Variants in VXN observed in about 807,000 individuals in gnomAD.
The protein encoded by VXN is vexin.
A neutral mutation model predicts 23.1 loss-of-function variants in VXN; 7 were observed. The ratio of observed to expected loss-of-function variants is 0.30; its 90% confidence interval spans 0.17 to 0.57. VXN has a LOEUF of 0.57. Ranked by LOEUF, VXN falls within the 20% of genes least tolerant of loss-of-function variation. The pLI is 0.91. For missense variants in VXN, 238 were observed against 272.6 expected (o/e 0.87, Z 0.89); for synonymous variants, 120 against 105.8 (o/e 1.13, Z -0.83).
intron 3 of VXN, among the ~76,000 whole-genome samples, chr8:66,506,273 A>G (rs1807758263): frequency 9.5e-6 from 1 of 105,258 alleles, no homozygotes; most frequent in Non-Finnish European, 1.9e-5. Flanking sequence ...GTGTGTGTGT[A>G]AAATTGTACA....
In VXN at chr8:66,505,499, C is replaced by A. The variant is rs764565389; in HGVS notation, c.251C>A (p.Ala84Asp). 12 of 1,550,010 alleles carry A rather than the reference C, an allele frequency of 7.7e-6. No individual in the cohort carries two copies. The highest frequency in any genetic ancestry group is 9.6e-6 in the Non-Finnish European group (11 of 1,150,772). Residue 84 changes from alanine to aspartate, a missense_variant, in exon 3 of 6, where the codon GCC becomes GAC. Physicochemically the swap from Ala to Asp is moderately radical, Grantham distance 126. Around this residue, in one of 2 missense-constraint regions of VXN, gnomAD observed 223 missense variants for 236.9 expected, o/e 0.94. Transcript: ENST00000305454. ...GRLQTARPPT[A>D]HPAKASARPV... ...CTCCAGACCGCGCGGCCGCCCACAG[C>A]CCACCCGGCCAAAGCCTCTGCCAGA... is the stretch of plus-strand genomic sequence containing the variant.
intron 2 of VXN, chr8:66,498,787 A>G (rs1285015282): frequency 4.4e-6 from 2 of 455,036 alleles, no homozygotes; most frequent in Non-Finnish European, 8.8e-6. Context: ...TTTAAAATCT[A>G]TGAAATATTT....
At chr8:66,509,961 T>G in intron 3 of VXN, 135 bp from the exon 4 acceptor site, 2 of 796,562 alleles carry the variant, frequency 2.5e-6, no homozygotes, top group Non-Finnish European at 4.3e-6. Flanking sequence ...TCCTGCCTGG[T>G]TTTGCTGCTT....
intron 4 of VXN, among the ~76,000 whole-genome samples, chr8:66,512,954 G>C (rs1237912993): frequency 6.6e-6 from 1 of 152,200 alleles, no homozygotes; most frequent in African/African-American, 2.4e-5. Context: ...GCCCTGCAAG[G>C]TGGGTGGGCG....
rs1198940913 is a variant in VXN at position 66,505,418 on chromosome 8, T to C, written c.170T>C (p.Leu57Pro). ...CTGTACACGCACCAGCCCCTGGAGCTGCTGCCCCACCGCGGAGACCGCAGG... is the reference window on the plus strand; with the variant it reads ...CTGTACACGCACCAGCCCCTGGAGCCGCTGCCCCACCGCGGAGACCGCAGG... ...SDLYTHQPLE[L>P]LPHRGDRRDP... Residue 57 changes from leucine (L) to proline (P), a missense_variant, in exon 3 of 6, where the codon CTG becomes CCG. By Grantham distance (98) the Leu-to-Pro change is moderately conservative. Around this residue, in one of 2 missense-constraint regions of VXN, gnomAD observed 223 missense variants for 236.9 expected, o/e 0.94. Transcript: ENST00000305454. The C allele has an allele frequency of 5.7e-6, 9 of 1,581,436 alleles. No individual in the cohort carries two copies. In the South Asian group the frequency reaches 9.2e-5, roughly 16 times the overall value.
chr8:66,512,376 C>T (rs1238252627), intron 4 of VXN, among the ~76,000 whole-genome samples: 2 of 152,204 alleles, frequency 1.3e-5, no homozygotes, highest in Non-Finnish European at 2.9e-5. Flanking sequence ...GGCACAGCAG[C>T]TCTGCCCACA....
chr8:66,504,285 C>T (rs772213146), intron 2 of VXN, among the ~76,000 whole-genome samples: 38 of 152,158 alleles, frequency 2.5e-4, no homozygotes, highest in Non-Finnish European at 4.7e-4. Flanking sequence ...CTTACTTCCT[C>T]CTTCTACAAA....
At chr8:66,509,521 T>C (rs1267797822) in intron 3 of VXN, among the ~76,000 whole-genome samples, 10 of 152,196 alleles carry the variant, frequency 6.6e-5, no homozygotes. Flanking sequence ...GCATGACTTC[T>C]CTGCTCATTT....
intron 2 of VXN, among the ~76,000 whole-genome samples, chr8:66,503,063 G>A (rs751228239): frequency 6.6e-6 from 1 of 152,082 alleles, no homozygotes; most frequent in Non-Finnish European, 1.5e-5. Flanking sequence ...GCCCAGGCTG[G>A]TCTTGAACTC....
At chr8:66,499,320 C>T (rs972675291) in intron 2 of VXN, among the ~76,000 whole-genome samples, 1 of 147,844 alleles carries the variant, frequency 6.8e-6, no homozygotes, top group Non-Finnish European at 1.5e-5. Context: ...ACAGTCTCAA[C>T]CCCCTGGGCT....
rs1408024213 is a variant in VXN, at chr8:66,496,435, A to G, written c.71-2A>G. 1 of 1,613,944 alleles carries G rather than the reference A, an allele frequency of 6.2e-7. No individual in the cohort carries two copies. The highest frequency in any genetic ancestry group is 2.2e-5 in the East Asian group (1 of 44,880). Reference sequence around the variant, plus strand: ...ACCATTTCTTTCTCTCTGTCTTTGCAGTATCCAGTCCAGCCAGAAGAAGAG... The same window carrying G: ...ACCATTTCTTTCTCTCTGTCTTTGCGGTATCCAGTCCAGCCAGAAGAAGAG... On this transcript the variant is annotated splice_acceptor_variant, in intron 1 of 5. Transcript: ENST00000305454. LOFTEE classifies it high-confidence loss of function.
At chr8:66,500,651 T>A (rs974386974) in intron 2 of VXN, among the ~76,000 whole-genome samples, 38 of 152,100 alleles carry the variant, frequency 2.5e-4, no homozygotes, top group African/African-American at 9.2e-4. Flanking sequence ...TCTTACCCAA[T>A]AGGTAGTGTT....
intron 3 of VXN, among the ~76,000 whole-genome samples, chr8:66,509,807 A>G (rs1442528088): frequency 5.3e-5 from 8 of 151,922 alleles, no homozygotes; most frequent in African/African-American, 1.9e-4. Context: ...GCCCCCTCAT[A>G]CAAGCACAGC....
intron 2 of VXN, among the ~76,000 whole-genome samples, chr8:66,498,229 G>T (rs187939150): frequency 6.6e-6 from 1 of 152,024 alleles, no homozygotes; most frequent in Non-Finnish European, 1.5e-5. Flanking sequence ...AGCTACTTGG[G>T]AGGCTGAAGT....
intron 2 of VXN, chr8:66,498,974 C>A: frequency 7.8e-6 from 2 of 256,082 alleles, no homozygotes; most frequent in Non-Finnish European, 8.3e-6. Flanking sequence ...CTATCCATTT[C>A]TAGCTATGTG....
intron 2 of VXN, chr8:66,498,842 G>A (rs531845675): frequency 2.2e-6 from 1 of 456,344 alleles, no homozygotes; most frequent in Admixed American, 2.4e-5. Flanking sequence ...TTGACCAAGG[G>A]TAACTGAAAC....
chr8:66,505,475 T>C lies in VXN; in HGVS notation c.227T>C (p.Leu76Pro). Residue 76 changes from leucine (L) to proline (P), a missense_variant, in exon 3 of 6, where the codon CTC becomes CCC. By Grantham distance (98) the Leu-to-Pro change is moderately conservative. This residue lies in a region of VXN where 223 missense variants were observed against 236.9 expected (regional missense o/e 0.94). Coordinates refer to ENST00000305454, the MANE Select transcript of VXN (RefSeq NM_152765.4). ...GGCGACCGCCGCAGGTTTGGGCGGC[T>C]CCAGACCGCGCGGCCGCCCACAGCC... Reference protein sequence around the residue: ...DPGDRRRFGRLQTARPPTAHP... With the variant: ...DPGDRRRFGRPQTARPPTAHP... 3.8e-6 allele frequency: 6 copies of C among 1,576,046 alleles called. No individual in the cohort carries two copies. The highest frequency in any genetic ancestry group is 5.2e-6 in the Non-Finnish European group (6 of 1,162,252).
Position 66,493,587 on chromosome 8 carries a change from C to G in VXN, c.-62C>G. On this transcript the variant is annotated 5_prime_UTR_variant, in exon 1 of 6. Coordinates refer to ENST00000305454, the MANE Select transcript of VXN (RefSeq NM_152765.4). ...AGCCAGACTGGATTAGGATGCCTCG[C>G]GACTAGGGGTCCAGAGACAGAGGCC... The G allele has an allele frequency of 1.4e-6, 2 of 1,423,050 alleles. No homozygotes were observed. The highest frequency in any genetic ancestry group is 2.0e-6 in the Non-Finnish European group (2 of 1,009,356). The allele number at this position is 1,423,050 out of a possible 1,614,324, so 88.2% of individuals were successfully genotyped here.
At chr8:66,498,163 G>A (rs991838395) in intron 2 of VXN, among the ~76,000 whole-genome samples, 9 of 135,084 alleles carry the variant, frequency 6.7e-5, no homozygotes, top group East Asian at 2.1e-4. Flanking sequence ...ACAAGACTCC[G>A]TCTCAAAAAA....
Sources: gnomAD v4.1 joint callset for allele counts (sites outside exome capture counted in the v4.1 genomes callset) on GRCh38, gnomAD v4.1.1 for gene constraint, gnomAD v4.1.1 regional missense constraint, MANE v1.5 for transcripts, NCBI Gene and HGNC (gene_info 2026-07-23, HGNC 2026-07-21) for gene names.